The following VPS39 variants were observed in gnomAD, a reference collection of about 807,000 sequenced individuals.
VPS39 encodes the protein vam6/Vps39-like protein.
VPS39 carries 70 observed loss-of-function variants against 121.0 expected under a neutral mutation model. The observed-to-expected ratio is 0.58, with a 90% CI of 0.48 to 0.71. VPS39 has a LOEUF of 0.71. VPS39 is among the 30% of genes least tolerant of loss of function. The pLI is 0.00. For missense variants in VPS39, 818 were observed against 1,051.5 expected (o/e 0.78, Z 3.07); for synonymous variants, 378 against 398.1 (o/e 0.95, Z 0.60).
chr15:42,193,178 G>T (rs907538235), intron 2 of VPS39, among the ~76,000 whole-genome samples: 3 of 152,184 alleles, frequency 2.0e-5, no homozygotes, highest in South Asian at 4.2e-4. Context: ...GGACCTCAAA[G>T]AACTTTTTTG....
rs750989604 is a variant in VPS39, at chr15:42,163,615, G to T, written c.2129+11C>A. On this transcript the variant is annotated intron_variant, in intron 20 of 24. Coordinates refer to ENST00000318006, the MANE Select transcript of VPS39 (RefSeq NM_015289.5). ...GACTGCTTAGGAGGTGGGATGTTGG[G>T]GCAAACTTACTCCTCAGCCATCCTT... 5 of 1,609,924 alleles carry T rather than the reference G, an allele frequency of 3.1e-6. No individual in the cohort carries two copies. In the Admixed American group the frequency reaches 6.7e-5, roughly 22 times the overall value.
chr15:42,161,131 C>T (rs1287652319), intron 24 of VPS39: 1 of 379,378 alleles, frequency 2.6e-6, no homozygotes, highest in African/African-American at 2.0e-5. Flanking sequence ...CCCTGGCTTC[C>T]TGAGAGCCAA....
At chr15:42,164,242 A>T in intron 19 of VPS39, 116 bp downstream of exon 19, 1 of 1,470,790 alleles carries the variant, frequency 6.8e-7, no homozygotes, top group South Asian at 1.3e-5. Context: ...CTGGCCTGAA[A>T]TGCCTGGTTT....
Position 42,206,610 on chromosome 15 carries a change from C to T in VPS39, c.73+1471G>A, listed in dbSNP as rs552576789. ...GCTAAGTCAAGTGTAGCCACAGCTG[C>T]ATTAATCCCTTTCAGAAACATATGT... On this transcript the variant is annotated intron_variant, in intron 1 of 24. Coordinates refer to ENST00000318006, the MANE Select transcript of VPS39 (RefSeq NM_015289.5). Among the ~76,000 whole-genome samples, 3 of 152,284 alleles carry T rather than the reference C, an allele frequency of 2.0e-5. No homozygotes were observed. The South Asian group carries it at 6.2e-4, about 32-fold the overall frequency.
In VPS39 at chr15:42,187,209, G is replaced by A. The variant is rs912554742; in HGVS notation, c.534+62C>T. 6 of 1,375,524 alleles carry A rather than the reference G, an allele frequency of 4.4e-6. No homozygotes were observed. The African/African-American group carries it at 4.4e-5, about 10-fold the overall frequency. 85.2% of individuals were successfully genotyped at this position (1,375,524 alleles called of 1,614,324 possible). On this transcript the variant is annotated intron_variant, in intron 7 of 24. Transcript: ENST00000318006. ...AAAGTGGTCGCTTGACCTGGAGTTT[G>A]GAGCAGATAATCATCTTCCCCAAGA...
rs1397092027 is a variant in VPS39, at chr15:42,160,136, T to C, written c.*618A>G. The C allele has an allele frequency of 1.3e-5, 2 of 153,036 alleles. No homozygotes were observed. Among genetic ancestry groups the C allele is most frequent in the East Asian group, 1.9e-4 (1 of 5,204 alleles). 9.5% of individuals were successfully genotyped at this position (153,036 alleles called of 1,614,324 possible). ...TCTTACCTTGCTTAAATATTAGTTA[T>C]TCCCAGAGTCAGGGAAGTGGGAGAG... is the stretch of plus-strand genomic sequence containing the variant. On this transcript the variant is annotated 3_prime_UTR_variant, in exon 25 of 25. Coordinates refer to ENST00000318006, the MANE Select transcript of VPS39 (RefSeq NM_015289.5).
intron 18 of VPS39, chr15:42,164,687 T>C (rs2049207368): frequency 4.9e-6 from 7 of 1,434,144 alleles, no homozygotes; most frequent in Middle Eastern, 5.1e-4. Context: ...AAAAATAAGC[T>C]GAATAGAGAA....
intron 8 of VPS39, 157 bp from the exon 9 acceptor site, chr15:42,178,727 G>GAA: frequency 4.1e-5 from 42 of 1,029,042 alleles, no homozygotes; most frequent in East Asian, 5.6e-5. Flanking sequence ...CAGAAAGAAA[G>GAA]AAAAAAAAAA....
At chr15:42,191,036 T>G (rs2049818177) in intron 4 of VPS39, 89 bp downstream of exon 4, 5 of 1,475,608 alleles carry the variant, frequency 3.4e-6, no homozygotes, top group Non-Finnish European at 4.7e-6. Flanking sequence ...CATTGTTAAG[T>G]AACCACTATC....
At chr15:42,186,738 G>A (rs2140872291) in intron 7 of VPS39, among the ~76,000 whole-genome samples, 1 of 152,318 alleles carries the variant, frequency 6.6e-6, no homozygotes, top group East Asian at 1.9e-4. Flanking sequence ...GACTATTTCT[G>A]AGTGGGGGGA....
At position 42,194,936 on chromosome 15, in the gene VPS39, G is replaced by GA. The variant is rs201505332; in HGVS notation, c.140-3377dup. The stretch of plus-strand genomic sequence containing the variant: ...CCATCATTGTAAATGTCAATACAGT[G>GA]AAAAAAAAAAAAAACAAAAAACGAA... On this transcript the variant is annotated intron_variant, in intron 2 of 24. Transcript: ENST00000318006. Among the ~76,000 whole-genome samples, 531 of 128,502 alleles carry GA rather than the reference G, an allele frequency of 4.1e-3. 6 individuals carry two copies. Among genetic ancestry groups the GA allele is most frequent in the South Asian group, 0.039 (165 of 4,212 alleles). 84.3% of individuals were successfully genotyped at this position (128,502 alleles called of 152,430 possible). A position where few individuals can be genotyped will look rare whatever the true frequency, so the allele number is the denominator to read the frequency against.
intron 2 of VPS39, among the ~76,000 whole-genome samples, chr15:42,191,890 G>A (rs1300931950): frequency 2.6e-5 from 4 of 152,168 alleles, no homozygotes; most frequent in African/African-American, 7.2e-5. Flanking sequence ...AAGGAAGGGT[G>A]TAAAAAGTAA....
In VPS39 at chr15:42,162,608, G is replaced by A. The variant is rs567405658; in HGVS notation, c.2176-127C>T. ...AGCTATCACTGAGCATGTAAAACTG[G>A]TCATTTTCACCTTGTAAATTGGTAA... is the stretch of plus-strand genomic sequence containing the variant. On this transcript the variant is annotated intron_variant, in intron 21 of 24. Coordinates refer to ENST00000318006, the MANE Select transcript of VPS39 (RefSeq NM_015289.5). 13 of 1,125,672 alleles carry A rather than the reference G, an allele frequency of 1.2e-5. No homozygotes were observed. The East Asian group carries it at 3.6e-4, about 31-fold the overall frequency. 69.7% of individuals were successfully genotyped at this position (1,125,672 alleles called of 1,614,324 possible).
chr15:42,162,762 A>T (rs2049158021), intron 21 of VPS39: 2 of 305,900 alleles, frequency 6.5e-6, no homozygotes, highest in Non-Finnish European at 1.2e-5. Context: ...ATTCAAAAAG[A>T]TTCCTCATTT....
At chr15:42,179,804 T>A (rs560172204) in intron 8 of VPS39, among the ~76,000 whole-genome samples, 63 of 152,188 alleles carry the variant, frequency 4.1e-4, no homozygotes, top group Non-Finnish European at 1.5e-5. Flanking sequence ...TTGGCTATTT[T>A]TATTCCCTCC....
In VPS39 at chr15:42,164,568, GT is replaced by G. The variant is rs1256722755; in HGVS notation, c.1898-83del. ...CATCAAGAAAAATGAAGGGAATGGGGTTCAAGGATGTCACCACATGACCAGA... is the reference window on the plus strand; with the variant it reads ...CATCAAGAAAAATGAAGGGAATGGGGTCAAGGATGTCACCACATGACCAGA... On this transcript the variant is annotated intron_variant, in intron 18 of 24. Transcript: ENST00000318006. The G allele has an allele frequency of 1.7e-5, 27 of 1,552,194 alleles. 1 individual carries two copies. In the East Asian group the frequency reaches 6.0e-4, roughly 34 times the overall value.
intron 4 of VPS39, among the ~76,000 whole-genome samples, chr15:42,190,129 A>G (rs1313726095): frequency 6.6e-6 from 1 of 151,848 alleles, no homozygotes; most frequent in East Asian, 1.9e-4. Flanking sequence ...GCACTCTTAT[A>G]CTCTGTCCAT....
intron 8 of VPS39, among the ~76,000 whole-genome samples, chr15:42,181,711 C>T (rs1165684168): frequency 2.1e-5 from 3 of 145,678 alleles, no homozygotes; most frequent in Non-Finnish European, 4.6e-5. Context: ...TCTAATTATC[C>T]TTTTTTTTTT....
chr15:42,160,407 G>A lies in VPS39; in HGVS notation c.*347C>T. 1 of 290,892 alleles carries A rather than the reference G, an allele frequency of 3.4e-6. No homozygotes were observed. The highest frequency in any genetic ancestry group is 6.7e-6 in the Non-Finnish European group (1 of 149,092). The allele number at this position is 290,892 out of a possible 1,614,324, so 18.0% of individuals were successfully genotyped here. ...TGTACTTAATAGAAAAGCCCTTGAT[G>A]AACAACCCCATGGTTACAAACACTT... is the stretch of plus-strand genomic sequence containing the variant. On this transcript the variant is annotated 3_prime_UTR_variant, in exon 25 of 25. Coordinates refer to ENST00000318006, the MANE Select transcript of VPS39 (RefSeq NM_015289.5).
Sources: gnomAD v4.1 joint callset for allele counts (sites outside exome capture counted in the v4.1 genomes callset) on GRCh38, gnomAD v4.1.1 for gene constraint, MANE v1.5 for transcripts, NCBI Gene and HGNC (gene_info 2026-07-23, HGNC 2026-07-21) for gene names.